Variants in NBAS observed in about 807,000 individuals in gnomAD.
The protein encoded by NBAS is NAG/BC035112 fusion.
A neutral mutation model predicts 302.5 loss-of-function variants in NBAS; 219 were observed. The observed-to-expected ratio is 0.72, with a 90% confidence interval of 0.65 to 0.81. NBAS has a LOEUF of 0.81. Ranked by LOEUF, NBAS falls within the 30% of genes least tolerant of loss-of-function variation. The pLI is 0.00. For synonymous variants in NBAS, 1,118 were observed against 1,021.6 expected (o/e 1.09, Z -1.80); for missense variants, 2,932 against 2,841.6 (o/e 1.03, Z -0.72).
chr2:15,301,710 G>GT (rs1468741236), intron 40 of NBAS, among the ~76,000 whole-genome samples: 2 of 152,216 alleles, frequency 1.3e-5, no homozygotes, highest in Admixed American at 1.3e-4. Flanking sequence ...TCTGACAGAG[G>GT]TAAGTACAGG....
the NBAS span, among the ~76,000 whole-genome samples, chr2:14,994,104 C>T: frequency 6.6e-6 from 1 of 152,198 alleles, no homozygotes; most frequent in Non-Finnish European, 1.5e-5. Flanking sequence ...GCACCAAGCT[C>T]CCTGAGAACT....
chr2:15,353,821 A>C, intron 33 of NBAS, 111 bp from the exon 34 acceptor site: 1 of 1,277,782 alleles, frequency 7.8e-7, no homozygotes, highest in Non-Finnish European at 1.1e-6. Flanking sequence ...AAGCAAAATC[A>C]TAGTCATTAG....
At chr2:15,200,823 A>G (rs1665840377) in intron 48 of NBAS, among the ~76,000 whole-genome samples, 2 of 152,352 alleles carry the variant, frequency 1.3e-5, no homozygotes, top group South Asian at 2.1e-4. Flanking sequence ...AGTAGAAGAC[A>G]GTCTTAACCT....
At chr2:15,119,588 C>T in the NBAS span, among the ~76,000 whole-genome samples, 1 of 152,166 alleles carries the variant, frequency 6.6e-6, no homozygotes, top group Admixed American at 6.5e-5. Flanking sequence ...ATCCACCTGC[C>T]TCGGCCTCTC....
chr2:14,901,577 C>A, the NBAS span, among the ~76,000 whole-genome samples: 1 of 151,706 alleles, frequency 6.6e-6, no homozygotes, highest in Non-Finnish European at 1.5e-5. Flanking sequence ...AGAGAATTAA[C>A]AATAAATGAG....
the NBAS span, among the ~76,000 whole-genome samples, chr2:14,782,037 A>G: frequency 6.6e-6 from 1 of 152,140 alleles, no homozygotes; most frequent in South Asian, 2.1e-4. Context: ...CTGTTACTGA[A>G]GCCTGCCTTC....
chr2:15,029,593 C>T, the NBAS span, among the ~76,000 whole-genome samples: 2 of 152,134 alleles, frequency 1.3e-5, no homozygotes, highest in African/African-American at 2.4e-5. Flanking sequence ...GCGTATATCA[C>T]GGTAGGAAGT....
chr2:14,993,562 G>A, the NBAS span, among the ~76,000 whole-genome samples: 1 of 152,042 alleles, frequency 6.6e-6, no homozygotes, highest in East Asian at 1.9e-4. Context: ...TACTCTAATT[G>A]GTCCAAATAA....
the NBAS span, among the ~76,000 whole-genome samples, chr2:14,982,648 G>A: frequency 3.3e-5 from 5 of 152,016 alleles, no homozygotes; most frequent in African/African-American, 4.8e-5. Flanking sequence ...ATATCAAGAG[G>A]TATGTGACAT....
intron 51 of NBAS, among the ~76,000 whole-genome samples, chr2:15,174,100 A>G (rs1245582451): frequency 3.3e-5 from 5 of 152,214 alleles, no homozygotes; most frequent in Admixed American, 3.3e-4. Flanking sequence ...CAGGAGGTAC[A>G]AGTCAGATCT....
chr2:15,298,621 G>A (rs1386895214), intron 40 of NBAS, among the ~76,000 whole-genome samples: 1 of 152,094 alleles, frequency 6.6e-6, no homozygotes, highest in Non-Finnish European at 1.5e-5. Flanking sequence ...TACTGGTTAT[G>A]ATTACTTCCG....
chr2:15,073,339 C>T, the NBAS span, among the ~76,000 whole-genome samples: 79 of 151,696 alleles, frequency 5.2e-4, no homozygotes, highest in African/African-American at 1.8e-3. Flanking sequence ...ATTAGCTGGG[C>T]GTGGTGGCAG....
the NBAS span, among the ~76,000 whole-genome samples, chr2:14,956,222 G>A: frequency 6.6e-6 from 1 of 152,152 alleles, no homozygotes; most frequent in Non-Finnish European, 1.5e-5. Flanking sequence ...GACCACCTCT[G>A]CCTGGACTTC....
intron 23 of NBAS, 110 bp downstream of exon 23, chr2:15,424,205 T>C: frequency 8.1e-7 from 1 of 1,238,038 alleles, no homozygotes; most frequent in Non-Finnish European, 1.2e-6. Flanking sequence ...CTCTTGCAAT[T>C]ATATACATGA....
At position 15,353,753 on chromosome 2, in the gene NBAS, G is replaced by T. The variant is rs763956682; in HGVS notation, c.3932-43C>A. 6 of 1,613,130 alleles carry T rather than the reference G, an allele frequency of 3.7e-6. No individual in the cohort carries two copies. The African/African-American group carries it at 5.3e-5, about 14-fold the overall frequency. On this transcript the variant is annotated intron_variant, in intron 33 of 51. Transcript: ENST00000281513. Reference sequence around the variant, plus strand: ...AAAAAAATGATTCCCAAAAGAAGAAGAATATTCAATCTAAGATGACAAATG... The same window carrying T: ...AAAAAAATGATTCCCAAAAGAAGAATAATATTCAATCTAAGATGACAAATG...
chr2:15,528,208 C>T (rs62120661), intron 9 of NBAS, among the ~76,000 whole-genome samples: 11,604 of 151,840 alleles, frequency 0.076, 575 homozygotes, highest in Middle Eastern at 0.14. Flanking sequence ...TATCCATTCA[C>T]CAAAGCAAGC....
the NBAS span, among the ~76,000 whole-genome samples, chr2:14,968,653 C>T: frequency 1.3e-5 from 2 of 152,138 alleles, no homozygotes; most frequent in Non-Finnish European, 2.9e-5. Context: ...AATAAGATAC[C>T]ACTTCACACT....
intron 47 of NBAS, among the ~76,000 whole-genome samples, chr2:15,229,077 C>G (rs961768009): frequency 6.6e-6 from 1 of 152,094 alleles, no homozygotes; most frequent in African/African-American, 2.4e-5. Context: ...CGTTGTGGCT[C>G]ATGCCTGTAA....
chr2:15,138,547 G>A, the NBAS span, among the ~76,000 whole-genome samples: 5 of 152,132 alleles, frequency 3.3e-5, no homozygotes. Context: ...AGCCTGGCAT[G>A]GGACAAAGAG....
Sources: gnomAD v4.1 joint callset for allele counts (sites outside exome capture counted in the v4.1 genomes callset) on GRCh38, gnomAD v4.1.1 for gene constraint, MANE v1.5 for transcripts, NCBI Gene and HGNC (gene_info 2026-07-23, HGNC 2026-07-21) for gene names.